The following PCDHGB3 variants were observed in gnomAD, a reference collection of about 807,000 sequenced individuals.
The protein encoded by PCDHGB3 is protocadherin gamma subfamily B, 3.
A neutral mutation model predicts 59.2 loss-of-function variants in PCDHGB3; 40 were observed. The observed-to-expected ratio is 0.68, with a 90% confidence interval of 0.52 to 0.88. The LOEUF (loss-of-function observed/expected upper bound fraction) is 0.88. Ranked by LOEUF, PCDHGB3 falls within the 40% of genes least tolerant of loss-of-function variation. The probability of loss-of-function intolerance (pLI) is 0.00; values close to 1 mark genes in which losing one functional copy is unlikely to be tolerated. For missense variants in PCDHGB3, 1,309 were observed against 1,187.9 expected (o/e 1.10, Z -1.50); for synonymous variants, 581 against 503.6 (o/e 1.15, Z -2.06).
intron 1 of PCDHGB3, among the ~76,000 whole-genome samples, chr5:141,461,004 T>C (rs2099006736): frequency 6.6e-6 from 1 of 151,664 alleles, no homozygotes; most frequent in Non-Finnish European, 1.5e-5. Context: ...TATGTGTATA[T>C]ATATATACCA....
rs1768012358 is a variant in PCDHGB3 at position 141,371,760 on chromosome 5, T to G, written c.1366T>G (p.Ser456Ala). ...NDNVPVFHQA[S>A]YTVHVAENNP... ...CAACGTTCCCGTTTTCCACCAGGCC[T>G]CCTACACCGTGCATGTAGCTGAGAA... The change falls in exon 1 of 4, where the codon TCC becomes GCC. Residue 456 changes from serine (S) to alanine (A), a missense_variant. By Grantham distance (99) the Ser-to-Ala change is moderately conservative (BLOSUM62 1). Coordinates refer to ENST00000576222, the MANE Select transcript of PCDHGB3 (RefSeq NM_018924.5). 3 of 1,613,860 alleles carry G rather than the reference T, an allele frequency of 1.9e-6. No individual in the cohort carries two copies. The South Asian group carries it at 3.3e-5, about 18-fold the overall frequency.
In PCDHGB3 at chr5:141,477,982, G is replaced by A; in HGVS notation, c.2416-16825G>A. ...CTAACCAGAGCCTTTTTGCCATAGG[G>A]CTGCACACTGGTCAAATCAGTACTG... is the stretch of plus-strand genomic sequence containing the variant. On this transcript the variant is annotated intron_variant, in intron 1 of 3. Transcript: ENST00000576222. The surrounding 1 kb of genome is among the most constrained non-coding windows in gnomAD (Gnocchi z 4.9). 6.2e-7 allele frequency: 1 copy of A among 1,614,066 alleles called. No individual in the cohort carries two copies. Among genetic ancestry groups the A allele is most frequent in the Non-Finnish European group, 8.5e-7 (1 of 1,180,014 alleles).
In PCDHGB3 at chr5:141,394,244, C is replaced by T. The variant is rs371631729; in HGVS notation, c.2415+21435C>T. On this transcript the variant is annotated intron_variant, in intron 1 of 3. Coordinates refer to ENST00000576222, the MANE Select transcript of PCDHGB3 (RefSeq NM_018924.5). ...CCTCCATCTTTTCCTTGACTGCACA[C>T]GACCCCGACAGCCAGGAGAATGCCC... The T allele has an allele frequency of 1.5e-5, 25 of 1,613,938 alleles. No homozygotes were observed. In the African/African-American group the frequency reaches 2.3e-4, roughly 15 times the overall value.
intron 1 of PCDHGB3, chr5:141,392,278 G>C (rs2092498621): frequency 6.6e-6 from 1 of 152,148 alleles, no homozygotes; most frequent in Non-Finnish European, 1.5e-5. Flanking sequence ...ATAAAGCTTA[G>C]AGCACAATGG....
At chr5:141,386,116 T>G (rs376387323) in intron 1 of PCDHGB3, 1 of 152,146 alleles carries the variant, frequency 6.6e-6, no homozygotes, top group Admixed American at 6.6e-5. Context: ...GCTATCAAAG[T>G]GGGAGATTGG....
intron 1 of PCDHGB3, chr5:141,387,711 C>T: frequency 9.6e-7 from 1 of 1,041,396 alleles, no homozygotes; most frequent in Non-Finnish European, 1.4e-6. Flanking sequence ...GCAGCCCCAG[C>T]TCAGACTCCC....
chr5:141,396,860 T>C (rs1273570477), intron 1 of PCDHGB3, among the ~76,000 whole-genome samples: 1 of 152,230 alleles, frequency 6.6e-6, no homozygotes, highest in African/African-American at 2.4e-5. Flanking sequence ...ATAGTTTGTG[T>C]ACCATTTGGA....
rs758674133 is a variant in PCDHGB3 at position 141,371,791 on chromosome 5, C to T, written c.1397C>T (p.Pro466Leu). 1.9e-6 allele frequency: 3 copies of T among 1,613,820 alleles called. No homozygotes were observed. In the African/African-American group the frequency reaches 4.0e-5, roughly 22 times the overall value. ...SYTVHVAENNPPGASIAHVRA... is the reference protein window; with the variant it reads ...SYTVHVAENNLPGASIAHVRA... The stretch of plus-strand genomic sequence containing the variant: ...ACCGTGCATGTAGCTGAGAACAATC[C>T]GCCTGGAGCCTCCATTGCGCATGTC... The change falls in exon 1 of 4, where the codon CCG (proline) becomes CTG (leucine). Residue 466 changes from proline (P) to leucine (L), a missense_variant. Coordinates refer to ENST00000576222, the MANE Select transcript of PCDHGB3 (RefSeq NM_018924.5).
chr5:141,390,183 T>C (rs532412915), intron 1 of PCDHGB3: 2 of 1,614,034 alleles, frequency 1.2e-6, no homozygotes, highest in Admixed American at 1.7e-5. Context: ...TTTCCTAAAA[T>C]GTAGTGAGCA....
intron 1 of PCDHGB3, among the ~76,000 whole-genome samples, chr5:141,447,063 G>C (rs762309557): frequency 6.6e-6 from 1 of 152,028 alleles, no homozygotes; most frequent in South Asian, 2.1e-4. Context: ...AATGTGTCAG[G>C]CTGTTTTAAT....
rs777083908 is a variant in PCDHGB3 at position 141,372,480 on chromosome 5, T to A, written c.2086T>A (p.Leu696Met). Residue 696 changes from leucine (L) to methionine (M), a missense_variant, in exon 1 of 4, where the codon TTG (leucine) becomes ATG (methionine). Transcript: ENST00000576222. ...AELQFHLVVA[L>M]ALISVLFLLA... Reference sequence around the variant, plus strand: ...GCTACAGTTTCACCTAGTAGTGGCGTTGGCCTTGATCTCAGTGCTCTTCCT... The same window carrying A: ...GCTACAGTTTCACCTAGTAGTGGCGATGGCCTTGATCTCAGTGCTCTTCCT... 1.2e-5 allele frequency: 19 copies of A among 1,613,928 alleles called. No individual in the cohort carries two copies. Among genetic ancestry groups the A allele is most frequent in the Non-Finnish European group, 1.6e-5 (19 of 1,179,888 alleles).
rs369886570 is a variant in PCDHGB3 at position 141,487,839 on chromosome 5, G to A, written c.2416-6968G>A. ...GGGGGCGGGTCATGCCTATATCTGAGTAAGAAATGAAAGTAATTGGTGATC... is the reference window on the plus strand; with the variant it reads ...GGGGGCGGGTCATGCCTATATCTGAATAAGAAATGAAAGTAATTGGTGATC... On this transcript the variant is annotated intron_variant, in intron 1 of 3. Transcript: ENST00000576222. The surrounding 1 kb of genome is among the most constrained non-coding windows in gnomAD (Gnocchi z 5.0). The A allele has an allele frequency of 2.7e-6, 3 of 1,103,412 alleles. No homozygotes were observed. Among genetic ancestry groups the A allele is most frequent in the African/African-American group, 1.6e-5 (1 of 63,054 alleles). The allele number at this position is 1,103,412 out of a possible 1,614,324, so 68.4% of individuals were successfully genotyped here.
rs769074023 is a variant in PCDHGB3 at position 141,491,738 on chromosome 5, G to T, written c.2416-3069G>T. On this transcript the variant is annotated intron_variant, in intron 1 of 3. Transcript: ENST00000576222. The surrounding 1 kb of genome is among the most constrained non-coding windows in gnomAD (Gnocchi z 6.9). The stretch of plus-strand genomic sequence containing the variant: ...GCGCCGCCCCGGGCGACCCCTGGGG[G>T]CGGCACTGGAGAAGCCGCCCGTCCT... 38 of 1,600,228 alleles carry T rather than the reference G, an allele frequency of 2.4e-5. No homozygotes were observed. The highest frequency in any genetic ancestry group is 3.1e-5 in the Non-Finnish European group (36 of 1,174,204).
At chr5:141,400,065 A>G (rs1012484805) in intron 1 of PCDHGB3, 3 of 1,613,758 alleles carry the variant, frequency 1.9e-6, no homozygotes, top group African/African-American at 1.3e-5. Flanking sequence ...GTGATGGTGG[A>G]CAGCCGCCAC....
chr5:141,487,404 C>T lies in PCDHGB3; in HGVS notation c.2416-7403C>T, dbSNP rs771371344. ...AGATCTCGAAGGAGGGAGGGGCTTC[C>T]CCCTTCCAATGGGATCCTCCGAATC... On this transcript the variant is annotated intron_variant, in intron 1 of 3. Transcript: ENST00000576222. The surrounding 1 kb of genome is among the most constrained non-coding windows in gnomAD (Gnocchi z 5.0). 2 of 1,614,178 alleles carry T rather than the reference C, an allele frequency of 1.2e-6. No homozygotes were observed. Among genetic ancestry groups the T allele is most frequent in the Non-Finnish European group, 8.5e-7 (1 of 1,180,032 alleles).
intron 1 of PCDHGB3, chr5:141,399,397 G>C: frequency 1.2e-6 from 2 of 1,613,940 alleles, no homozygotes; most frequent in Non-Finnish European, 8.5e-7. Context: ...CACAGACAGG[G>C]GCAAGCCGCC....
At chr5:141,427,156 T>G (rs533425641) in intron 1 of PCDHGB3, 10 of 456,890 alleles carry the variant, frequency 2.2e-5, no homozygotes, top group African/African-American at 2.0e-4. Flanking sequence ...AATATGTTTG[T>G]GCTAGACCAT....
At chr5:141,461,966 G>A (rs2099027516) in intron 1 of PCDHGB3, among the ~76,000 whole-genome samples, 1 of 152,162 alleles carries the variant, frequency 6.6e-6, no homozygotes, top group African/African-American at 2.4e-5. Context: ...TGGGATTCCA[G>A]GCATATGCCA....
chr5:141,410,345 C>T, intron 1 of PCDHGB3: 1 of 1,614,040 alleles, frequency 6.2e-7, no homozygotes, highest in Non-Finnish European at 8.5e-7. Flanking sequence ...TGCCTTGCGC[C>T]TGCGACGCTC....
Sources: gnomAD v4.1 joint callset for allele counts (sites outside exome capture counted in the v4.1 genomes callset) on GRCh38, gnomAD v4.1.1 for gene constraint, Gnocchi (gnomAD v3.1) non-coding constraint, MANE v1.5 for transcripts, NCBI Gene and HGNC (gene_info 2026-07-23, HGNC 2026-07-21) for gene names.